The following RBFOX1 variants were observed in gnomAD, a reference collection of about 807,000 sequenced individuals.
RBFOX1 encodes RNA binding fox-1 homolog 1.
A neutral mutation model predicts 57.7 loss-of-function variants in RBFOX1; 8 were observed. That is an observed-to-expected ratio of 0.14 (90% CI 0.08 to 0.25). The LOEUF (loss-of-function observed/expected upper bound fraction) is 0.25, where lower values mean the gene tolerates loss of function less well. Among genes scored for constraint, RBFOX1 ranks in the 10% least tolerant of loss-of-function variants. The pLI, the probability that RBFOX1 is intolerant of heterozygous loss-of-function variation, is 1.00. For missense variants in RBFOX1, 611 were observed against 548.5 expected, an observed-to-expected ratio of 1.11 and a Z score of -1.14; for synonymous variants, 326 against 222.4, an observed-to-expected ratio of 1.47 and a Z score of -4.15.
chr16:7,336,685 C>A (rs1330418313), intron 4 of RBFOX1, among the ~76,000 whole-genome samples: 1 of 152,200 alleles, frequency 6.6e-6, no homozygotes. Context: ...ATGTGCCAGG[C>A]TCTGTGCTAA....
At chr16:6,501,041 T>G (rs1258343507) in intron 2 of RBFOX1, among the ~76,000 whole-genome samples, 1 of 151,716 alleles carries the variant, frequency 6.6e-6, no homozygotes, top group East Asian at 1.9e-4. Context: ...ATGGTCTCAC[T>G]GCCCATGGGA....
chr16:6,494,354 C>T (rs760449539), intron 2 of RBFOX1, among the ~76,000 whole-genome samples: 1 of 152,084 alleles, frequency 6.6e-6, no homozygotes, highest in Admixed American at 6.5e-5. Context: ...TTTGTATAAC[C>T]ACAGCTATCT....
chr16:6,480,737 A>G (rs1187331855), intron 2 of RBFOX1, among the ~76,000 whole-genome samples: 1 of 152,134 alleles, frequency 6.6e-6, no homozygotes, highest in Non-Finnish European at 1.5e-5. Flanking sequence ...TAAAACTTGT[A>G]TTTTTATCTC....
At position 7,433,567 on chromosome 16, in the gene RBFOX1, T is replaced by C. The variant is rs149238057; in HGVS notation, c.28-84580T>C. ...TGGAGGAGGAGGCATCTGAATTGAG[T>C]CTTAAGGGGTTCATGTCACACAGGT... is the stretch of plus-strand genomic sequence containing the variant. On this transcript the variant is annotated intron_variant, in intron 4 of 15. Transcript: ENST00000550418. Among the ~76,000 whole-genome samples the C allele has an allele frequency of 6.6e-5, 10 of 152,232 alleles. No individual in the cohort carries two copies. In the East Asian group the frequency reaches 1.9e-3, roughly 29 times the overall value.
At chr16:5,336,583 G>C (rs902337040) in intron 1 of RBFOX1, among the ~76,000 whole-genome samples, 4 of 152,196 alleles carry the variant, frequency 2.6e-5, no homozygotes, top group Non-Finnish European at 5.9e-5. Context: ...CTCTGGAGTA[G>C]GTGCAGGGGC....
At chr16:5,272,524 T>G (rs1372599749) in intron 1 of RBFOX1, among the ~76,000 whole-genome samples, 1 of 152,172 alleles carries the variant, frequency 6.6e-6, no homozygotes, top group Non-Finnish European at 1.5e-5. Context: ...TATCTCAGAA[T>G]CGTCCCATCC....
At chr16:5,432,586 CTT>C (rs1196293296) in intron 1 of RBFOX1, among the ~76,000 whole-genome samples, 2 of 48,976 alleles carry the variant, frequency 4.1e-5, no homozygotes, top group Admixed American at 2.3e-4. Flanking sequence ...GTTTTTCACT[CTT>C]TTTCCTCTCT....
intron 4 of RBFOX1, among the ~76,000 whole-genome samples, chr16:7,358,299 G>A (rs771512185): frequency 1.5e-4 from 23 of 152,234 alleles, no homozygotes; most frequent in Non-Finnish European, 2.9e-4. Context: ...AGGGACAGGT[G>A]ACAGTGGCAT....
chr16:6,447,374 G>A (rs949169221), intron 2 of RBFOX1, among the ~76,000 whole-genome samples: 1 of 152,166 alleles, frequency 6.6e-6, no homozygotes. Flanking sequence ...TTACATACCT[G>A]TTTGAAGCTA....
intron 3 of RBFOX1, among the ~76,000 whole-genome samples, chr16:5,619,098 T>C (rs1288615846): frequency 6.6e-6 from 1 of 152,226 alleles, no homozygotes; most frequent in Non-Finnish European, 1.5e-5. Flanking sequence ...TGATTTGCAG[T>C]GCTGGAGGAA....
intron 5 of RBFOX1, among the ~76,000 whole-genome samples, chr16:7,533,633 A>T (rs2080716790): frequency 6.6e-6 from 1 of 152,238 alleles, no homozygotes; most frequent in Admixed American, 6.5e-5. Context: ...AGCCTCTTTT[A>T]TACTGAAGTG....
At chr16:5,736,388 G>C (rs13339202) in intron 3 of RBFOX1, among the ~76,000 whole-genome samples, 1 of 151,934 alleles carries the variant, frequency 6.6e-6, no homozygotes, top group Non-Finnish European at 1.5e-5. Context: ...CACCCGAGTA[G>C]CACTGGGTGT....
intron 3 of RBFOX1, among the ~76,000 whole-genome samples, chr16:6,811,594 G>GA (rs1276911227): frequency 6.6e-6 from 1 of 152,140 alleles, no homozygotes; most frequent in African/African-American, 2.4e-5. Flanking sequence ...TGCTAGCATG[G>GA]AAAAGGCACA....
chr16:6,622,085 T>C (rs570060104), intron 2 of RBFOX1, among the ~76,000 whole-genome samples: 5 of 152,302 alleles, frequency 3.3e-5, no homozygotes, highest in African/African-American at 9.6e-5. Context: ...GGAATATGTA[T>C]GGAATATTAT....
At chr16:6,429,964 C>T (rs1319888306) in intron 2 of RBFOX1, among the ~76,000 whole-genome samples, 2 of 151,938 alleles carry the variant, frequency 1.3e-5, no homozygotes, top group African/African-American at 4.8e-5. Flanking sequence ...CAAAATTAGC[C>T]AGGTATGGTG....
chr16:5,464,488 G>T (rs2151603776), intron 1 of RBFOX1, among the ~76,000 whole-genome samples: 1 of 152,362 alleles, frequency 6.6e-6, no homozygotes, highest in South Asian at 2.1e-4. Flanking sequence ...TAAGCTCTCT[G>T]GGTGGGCAGG....
At chr16:7,409,758 A>G (rs2098403981) in intron 4 of RBFOX1, among the ~76,000 whole-genome samples, 1 of 151,236 alleles carries the variant, frequency 6.6e-6, no homozygotes, top group African/African-American at 2.4e-5. Flanking sequence ...AAACTTCAAC[A>G]TGCTTCATTC....
At position 6,863,592 on chromosome 16, in the gene RBFOX1, C is replaced by T. The variant is rs530018259; in HGVS notation, c.-15-188465C>T. Reference sequence around the variant, plus strand: ...ATTAAAGATGTGATCTGTTCCTGGACGCCATTTTTATCTTCTTTGTCAGAA... The same window carrying T: ...ATTAAAGATGTGATCTGTTCCTGGATGCCATTTTTATCTTCTTTGTCAGAA... On this transcript the variant is annotated intron_variant, in intron 3 of 15. Coordinates refer to ENST00000550418, the MANE Select transcript of RBFOX1 (RefSeq NM_018723.4). Among the ~76,000 whole-genome samples the T allele has an allele frequency of 6.8e-5, 10 of 147,014 alleles. No individual in the cohort carries two copies. The East Asian group carries it at 8.0e-4, about 12-fold the overall frequency.
At chr16:5,562,000 C>A (rs1289662864) in intron 2 of RBFOX1, among the ~76,000 whole-genome samples, 1 of 152,074 alleles carries the variant, frequency 6.6e-6, no homozygotes, top group Admixed American at 6.5e-5. Flanking sequence ...CAATATGGTG[C>A]TAGAGGGTGT....
Sources: allele counts gnomAD v4.1 joint callset (sites outside exome capture counted in the v4.1 genomes callset), GRCh38; gene constraint gnomAD v4.1.1; transcripts MANE v1.5; gene names NCBI Gene and HGNC (gene_info 2026-07-23, HGNC 2026-07-21).